CFAP300: variants seen among roughly 807,000 people sequenced by gnomAD.
The protein encoded by CFAP300 is cilia and flagella associated protein 300.
A neutral mutation model predicts 33.0 loss-of-function variants in CFAP300; 32 were observed. The ratio of observed to expected loss-of-function variants is 0.97; its 90% CI spans 0.73 to 1.30. The LOEUF is 1.30. CFAP300 is among the 50% of genes most tolerant of loss of function. The probability of loss-of-function intolerance (pLI) is 0.00; values close to 1 mark genes in which losing one functional copy is unlikely to be tolerated. For synonymous variants in CFAP300, 102 were observed against 106.8 expected (o/e 0.95, Z 0.28); for missense variants, 356 against 318.1 (o/e 1.12, Z -0.90).
chr11:102,047,904 T>TG lies in CFAP300; in HGVS notation c.192+13dup. ...AAGGATGATTTCGTTATGGTTAGTA[T>TG]GGGGGTCGGAGAGTTCCCTGGGTCT... On this transcript the variant is annotated intron_variant, in intron 2 of 6. Transcript: ENST00000434758. 1 of 1,613,976 alleles carries TG rather than the reference T, an allele frequency of 6.2e-7. No homozygotes were observed. The highest frequency in any genetic ancestry group is 8.5e-7 in the Non-Finnish European group (1 of 1,179,908).
At chr11:102,077,158 C>T (rs1261005910) in intron 5 of CFAP300, among the ~76,000 whole-genome samples, 1 of 152,142 alleles carries the variant, frequency 6.6e-6, no homozygotes, top group Non-Finnish European at 1.5e-5. Flanking sequence ...CGTTGTACCC[C>T]ATCCGCCACA....
chr11:102,080,791 T>A (rs1386858939), intron 5 of CFAP300, among the ~76,000 whole-genome samples: 1 of 152,212 alleles, frequency 6.6e-6, no homozygotes, highest in Non-Finnish European at 1.5e-5. Flanking sequence ...AAATTGAGTC[T>A]CAGAAAGGTT....
Position 102,058,924 on chromosome 11 carries a change from T to G in CFAP300, c.237T>G (p.Leu79=). ...DPNVIPNLKL[L]SDSSGQWIIL... is the part of the protein sequence containing the mutation. ...ATGTTATTCCCAATTTGAAGTTACT[T>G]TCAGATTCTTCTGGACAATGGATCA... Residue 79 remains leucine, a synonymous_variant, in exon 3 of 7, where the codon CTT becomes CTG. Coordinates refer to ENST00000434758, the MANE Select transcript of CFAP300 (RefSeq NM_032930.3). 2 of 1,589,002 alleles carry G rather than the reference T, an allele frequency of 1.3e-6. No individual in the cohort carries two copies. The highest frequency in any genetic ancestry group is 8.6e-7 in the Non-Finnish European group (1 of 1,169,460).
chr11:102,074,167 T>C, intron 4 of CFAP300, among the ~76,000 whole-genome samples: 1 of 150,934 alleles, frequency 6.6e-6, no homozygotes, highest in African/African-American at 2.4e-5. Context: ...CCGGTAGGAG[T>C]TGGATTCTCA....
chr11:102,072,965 T>C (rs1386732049), intron 4 of CFAP300, among the ~76,000 whole-genome samples: 1 of 151,948 alleles, frequency 6.6e-6, no homozygotes, highest in Admixed American at 6.6e-5. Flanking sequence ...GAGGCTGGGG[T>C]GAGGTTTTGC....
At chr11:102,062,727 T>C (rs1437798645) in intron 3 of CFAP300, among the ~76,000 whole-genome samples, 1 of 152,198 alleles carries the variant, frequency 6.6e-6, no homozygotes, top group African/African-American at 2.4e-5. Context: ...CTATCCTTAT[T>C]GTAAAAAATG....
At chr11:102,080,917 T>A (rs1057002413) in intron 5 of CFAP300, among the ~76,000 whole-genome samples, 2 of 152,206 alleles carry the variant, frequency 1.3e-5, no homozygotes, top group African/African-American at 4.8e-5. Context: ...TTTTTACAAA[T>A]CCCTATTCAT....
intron 2 of CFAP300, among the ~76,000 whole-genome samples, chr11:102,055,361 C>CTTTTTTTTTTTTTTTTT (rs561779599): frequency 2.6e-4 from 30 of 113,530 alleles, no homozygotes; most frequent in East Asian, 6.2e-4. Context: ...ATGCGTTACT[C>CTTTTTTTTTTTTTTTTT]TTTTTTTTTT....
chr11:102,067,148 T>C (rs1369844476), intron 4 of CFAP300, among the ~76,000 whole-genome samples: 1 of 152,166 alleles, frequency 6.6e-6, no homozygotes, highest in East Asian at 1.9e-4. Context: ...AAGACCAGCC[T>C]GGGCAACATA....
intron 2 of CFAP300, among the ~76,000 whole-genome samples, chr11:102,052,299 C>G (rs1164733066): frequency 6.6e-6 from 1 of 152,142 alleles, no homozygotes; most frequent in Non-Finnish European, 1.5e-5. Context: ...GAGATTCTTT[C>G]AGAAGGCATA....
chr11:102,077,125 C>A (rs1942406698), intron 5 of CFAP300, among the ~76,000 whole-genome samples: 2 of 152,132 alleles, frequency 1.3e-5, no homozygotes, highest in African/African-American at 4.8e-5. Context: ...TACACACATA[C>A]TACTACCACT....
In CFAP300 at chr11:102,083,154, C is replaced by A; in HGVS notation, c.759C>A (p.His253Gln). The A allele has an allele frequency of 3.2e-6, 5 of 1,561,902 alleles. No homozygotes were observed. Among genetic ancestry groups the A allele is most frequent in the Non-Finnish European group, 4.3e-6 (5 of 1,151,704 alleles). Residue 253 changes from histidine to glutamine, a missense_variant, in exon 7 of 7, where the codon CAC becomes CAA. Coordinates refer to ENST00000434758, the MANE Select transcript of CFAP300 (RefSeq NM_032930.3). ...TTATTGTGGATCCTATCAGGCGTCA[C>A]CTTCATGTTTTATACCACTGTTATG... Reference protein sequence around the residue: ...SYFIVDPIRRHLHVLYHCYGV... With the variant: ...SYFIVDPIRRQLHVLYHCYGV...
At chr11:102,052,970 G>A (rs1941992877) in intron 2 of CFAP300, among the ~76,000 whole-genome samples, 1 of 152,206 alleles carries the variant, frequency 6.6e-6, no homozygotes, top group Non-Finnish European at 1.5e-5. Context: ...GCTCAAGCCT[G>A]TAATCCCAGC....
intron 3 of CFAP300, among the ~76,000 whole-genome samples, chr11:102,064,713 A>C (rs1942197618): frequency 6.6e-6 from 1 of 152,226 alleles, no homozygotes; most frequent in South Asian, 2.1e-4. Flanking sequence ...CTAGGTCTAC[A>C]ATCTTAGAGC....
rs561779599 is a variant in CFAP300, at chr11:102,055,361, C to CTTTTTTTTTTTTTTTTTT, written c.193-3506_193-3505insTTTTTTTTTTTTTTTTTT. On this transcript the variant is annotated intron_variant, in intron 2 of 6. Transcript: ENST00000434758. ...ATTTTGTTTTACCACATGCGTTACT[C>CTTTTTTTTTTTTTTTTTT]TTTTTTTTTTTTTGAGATAGGGTCT... Among the ~76,000 whole-genome samples the CTTTTTTTTTTTTTTTTTT allele has an allele frequency of 2.7e-4, 31 of 113,536 alleles. 1 individual carries two copies. Among genetic ancestry groups the CTTTTTTTTTTTTTTTTTT allele is most frequent in the East Asian group, 6.2e-4 (2 of 3,214 alleles). The allele number at this position is 113,536 out of a possible 152,430, so 74.5% of individuals were successfully genotyped here.
chr11:102,070,822 G>A (rs1445995863), intron 4 of CFAP300, among the ~76,000 whole-genome samples: 1 of 32,528 alleles, frequency 3.1e-5, no homozygotes, highest in East Asian at 3.0e-3. Flanking sequence ...TCAGGAATAC[G>A]TGTTGTTGGT....
chr11:102,077,085 TAC>T (rs149311507), intron 5 of CFAP300, among the ~76,000 whole-genome samples: 29 of 150,090 alleles, frequency 1.9e-4, no homozygotes, highest in Non-Finnish European at 2.1e-4. Flanking sequence ...ACCCTACACA[TAC>T]ACACACACAC....
intron 4 of CFAP300, among the ~76,000 whole-genome samples, 163 bp from the exon 5 acceptor site, chr11:102,075,710 T>C (rs1042140656): frequency 6.6e-5 from 10 of 152,214 alleles, no homozygotes; most frequent in African/African-American, 2.4e-4. Flanking sequence ...AATGATAAAA[T>C]AGAGGCAAAT....
At position 102,057,483 on chromosome 11, in the gene CFAP300, G is replaced by A. The variant is rs536758154; in HGVS notation, c.193-1397G>A. 5.9e-5 allele frequency among the ~76,000 whole-genome samples: 9 copies of A among 151,482 alleles called. No homozygotes were observed. The South Asian group carries it at 1.9e-3, about 32-fold the overall frequency. ...TAATCACTAGGATGTCAGTTTCTCC[G>A]TTTTAACATATGTGTTGCAAATATT... On this transcript the variant is annotated intron_variant, in intron 2 of 6. Transcript: ENST00000434758.
Sources: gnomAD v4.1 joint callset for allele counts (sites outside exome capture counted in the v4.1 genomes callset) on GRCh38, gnomAD v4.1.1 for gene constraint, MANE v1.5 for transcripts, NCBI Gene and HGNC (gene_info 2026-07-23, HGNC 2026-07-21) for gene names.